RASIP1: variants seen among roughly 807,000 people sequenced by gnomAD.
The protein encoded by RASIP1 is Ras interacting protein 1.
Under a neutral mutation model 85.3 loss-of-function variants are expected in RASIP1, and 20 were observed. The ratio of observed to expected loss-of-function variants is 0.23; its 90% CI spans 0.17 to 0.34. The LOEUF is 0.34. RASIP1 is among the 10% of genes least tolerant of loss of function. RASIP1 has a pLI of 1.00. For synonymous variants in RASIP1, 617 were observed against 647.1 expected (o/e 0.95, Z 0.71); for missense variants, 1,170 against 1,390.9 (o/e 0.84, Z 2.53).
chr19:48,726,763 GAAGT>G lies in RASIP1; in HGVS notation c.2127+18_2127+21del. On this transcript the variant is annotated intron_variant, in intron 8 of 11. Transcript: ENST00000222145. ...CAGGAAGTGATGCTATGTCAAACAGGAAGTAAGAGGCAAGGGCCAACCTTGGTGA... is the reference window on the plus strand; with the variant it reads ...CAGGAAGTGATGCTATGTCAAACAGGAAGAGGCAAGGGCCAACCTTGGTGA... 1 of 1,545,786 alleles carries G rather than the reference GAAGT, an allele frequency of 6.5e-7. No homozygotes were observed. The highest frequency in any genetic ancestry group is 8.8e-7 in the Non-Finnish European group (1 of 1,133,208).
In RASIP1 at chr19:48,723,417, G is replaced by A. The variant is rs539956407; in HGVS notation, c.2544+920C>T. ...TCTACCAAAATTACAAAAATTAGCC[G>A]GGTGTGGTGGCGCGTGCCTGTTATC... On this transcript the variant is annotated intron_variant, in intron 10 of 11. Coordinates refer to ENST00000222145, the MANE Select transcript of RASIP1 (RefSeq NM_017805.3). Among the ~76,000 whole-genome samples the A allele has an allele frequency of 4.6e-5, 7 of 152,102 alleles. No homozygotes were observed. The South Asian group carries it at 1.2e-3, about 27-fold the overall frequency.
chr19:48,740,320 G>A lies in RASIP1; in HGVS notation c.-4-34C>T. 6.5e-7 allele frequency: 1 copy of A among 1,547,908 alleles called. No individual in the cohort carries two copies. Among genetic ancestry groups the A allele is most frequent in the Non-Finnish European group, 8.7e-7 (1 of 1,150,970 alleles). ...AGGCGGGTAAGGCCCCAACTCCTAA[G>A]GCATTCTTGTGGGGATGGGGTGGAG... On this transcript the variant is annotated intron_variant, in intron 1 of 11. Transcript: ENST00000222145. The surrounding 1 kb of genome is among the most constrained non-coding windows in gnomAD (Gnocchi z 5.5).
At chr19:48,734,250 G>A (rs1353517723) in intron 4 of RASIP1, among the ~76,000 whole-genome samples, 2 of 151,856 alleles carry the variant, frequency 1.3e-5, no homozygotes, top group Non-Finnish European at 1.5e-5. Flanking sequence ...AGCCGAGATC[G>A]CGCCACTGGA....
chr19:48,730,383 C>T (rs2033433498), intron 4 of RASIP1, among the ~76,000 whole-genome samples: 1 of 151,866 alleles, frequency 6.6e-6, no homozygotes, highest in Non-Finnish European at 1.5e-5. Flanking sequence ...AGGATGGTCT[C>T]GATCTCTTGA....
rs144331746 is a variant in RASIP1, at chr19:48,734,900, C to G, written c.1179+296G>C. ...AAAGTGCTGGGATTATGAGAGTCAGCCGCACGCCTGGCGGGGATCTTCTTT... is the reference window on the plus strand; with the variant it reads ...AAAGTGCTGGGATTATGAGAGTCAGGCGCACGCCTGGCGGGGATCTTCTTT... On this transcript the variant is annotated intron_variant, in intron 4 of 11. Coordinates refer to ENST00000222145, the MANE Select transcript of RASIP1 (RefSeq NM_017805.3). 8.2e-3 allele frequency among the ~76,000 whole-genome samples: 1,245 copies of G among 152,296 alleles called. 22 individuals are homozygous for G. The highest frequency in any genetic ancestry group is 0.028 in the African/African-American group (1,175 of 41,560).
intron 4 of RASIP1, 138 bp downstream of exon 4, chr19:48,735,058 G>T: frequency 2.7e-6 from 2 of 746,916 alleles, no homozygotes; most frequent in Non-Finnish European, 4.2e-6. Context: ...CTCTACTCTG[G>T]AACCTTGAGG....
In RASIP1 at chr19:48,740,583, T is replaced by A; in HGVS notation, c.-67A>T. 7 of 1,390,046 alleles carry A rather than the reference T, an allele frequency of 5.0e-6. No individual in the cohort carries two copies. Among genetic ancestry groups the A allele is most frequent in the Non-Finnish European group, 6.5e-6 (7 of 1,075,280 alleles). 86.1% of individuals were successfully genotyped at this position (1,390,046 alleles called of 1,614,324 possible). On this transcript the variant is annotated 5_prime_UTR_variant, in exon 1 of 12. Transcript: ENST00000222145. This position sits in a 1 kb window ranked among gnomAD's most constrained non-coding sequence, Gnocchi z 5.5. Reference sequence around the variant, plus strand: ...CACTGGCCTGGGTCAGTTCCACTGCTCTTGCCTCTGCCACGGCTCCCAGCA... The same window carrying A: ...CACTGGCCTGGGTCAGTTCCACTGCACTTGCCTCTGCCACGGCTCCCAGCA...
rs1375556533 is a variant in RASIP1 at position 48,739,460 on chromosome 19, C to A, written c.323G>T (p.Gly108Val). The change falls in exon 3 of 12, where the codon GGC becomes GTC. Residue 108 changes from glycine to valine, a missense_variant. Gly to Val is a moderately radical substitution (Grantham distance 109). Coordinates refer to ENST00000222145, the MANE Select transcript of RASIP1 (RefSeq NM_017805.3). This position sits in a 1 kb window ranked among gnomAD's most constrained non-coding sequence, Gnocchi z 9.2. ...CTGCGCGCCCCCCGGGGTCCCAGGG[C>A]CTCCTGCGCCGCTGGACCCCGTGGT... ...TGTTGSSGAG[G>V]PGTPGGAQRW... The A allele has an allele frequency of 6.8e-7, 1 of 1,469,854 alleles. No individual in the cohort carries two copies. Among genetic ancestry groups the A allele is most frequent in the South Asian group, 1.3e-5 (1 of 77,690 alleles). 91.1% of individuals were successfully genotyped at this position (1,469,854 alleles called of 1,614,324 possible). A position where few individuals can be genotyped will look rare whatever the true frequency, so the allele number is the denominator to read the frequency against.
intron 4 of RASIP1, among the ~76,000 whole-genome samples, chr19:48,734,061 C>T (rs968373851): frequency 9.2e-5 from 14 of 151,910 alleles, no homozygotes; most frequent in Non-Finnish European, 5.9e-5. Context: ...TTTGGGAGGC[C>T]GAGGCGGGCG....
Position 48,738,809 on chromosome 19 carries a change from A to C in RASIP1, c.823+151T>G. ...CCTGCTCTAGCTCTGCCTAGAGTCC[A>C]ACACGCACCGTCCAGTCCCCTCCCA... is the stretch of plus-strand genomic sequence containing the variant. On this transcript the variant is annotated intron_variant, in intron 3 of 11. Coordinates refer to ENST00000222145, the MANE Select transcript of RASIP1 (RefSeq NM_017805.3). The surrounding 1 kb of genome is among the most constrained non-coding windows in gnomAD (Gnocchi z 4.0). 1.0e-6 allele frequency: 1 copy of C among 999,354 alleles called. No individual in the cohort carries two copies. The highest frequency in any genetic ancestry group is 1.3e-6 in the Non-Finnish European group (1 of 792,106). 61.9% of individuals were successfully genotyped at this position (999,354 alleles called of 1,614,324 possible).
chr19:48,734,638 C>A (rs2033535389), intron 4 of RASIP1, among the ~76,000 whole-genome samples: 1 of 152,142 alleles, frequency 6.6e-6, no homozygotes, highest in Non-Finnish European at 1.5e-5. Context: ...CAGGCGTGCG[C>A]CACCACACCC....
At chr19:48,735,052 A>G (rs2033544258) in intron 4 of RASIP1, 144 bp downstream of exon 4, 7 of 702,456 alleles carry the variant, frequency 1.0e-5, no homozygotes, top group Non-Finnish European at 1.4e-5. Context: ...GTGAATCTCT[A>G]CTCTGGAACC....
rs557995225 is a variant in RASIP1 at position 48,729,521 on chromosome 19, C to G, written c.1249G>C (p.Gly417Arg). ...TCCACATAGGGAGCCGGGGACCCCC[C>G]GCGGCCAGACGAGTTCCCACCTCGC... Reference protein sequence around the residue: ...FGRGGNSSGRGGSPAPYVDTF... With the variant: ...FGRGGNSSGRRGSPAPYVDTF... The change falls in exon 5 of 12, where the codon GGG (glycine) becomes CGG (arginine). Residue 417 changes from glycine (G) to arginine (R), a missense_variant. Transcript: ENST00000222145. 1.9e-6 allele frequency: 3 copies of G among 1,598,844 alleles called. No individual in the cohort carries two copies. Among genetic ancestry groups the G allele is most frequent in the African/African-American group, 1.3e-5 (1 of 74,538 alleles).
chr19:48,729,886 T>C (rs2033421440), intron 4 of RASIP1, among the ~76,000 whole-genome samples: 1 of 151,888 alleles, frequency 6.6e-6, no homozygotes, highest in South Asian at 2.1e-4. Flanking sequence ...GGCTAATTTT[T>C]GTATTTTTAG....
chr19:48,725,134 G>GT, intron 8 of RASIP1, 174 bp from the exon 9 acceptor site: 1 of 693,576 alleles, frequency 1.4e-6, no homozygotes, highest in East Asian at 2.8e-5. Context: ...TGATAGAAGG[G>GT]TATACAAGTT....
At chr19:48,736,913 T>A (rs973400887) in intron 3 of RASIP1, among the ~76,000 whole-genome samples, 1 of 152,142 alleles carries the variant, frequency 6.6e-6, no homozygotes, top group African/African-American at 2.4e-5. Context: ...AGTGGGCACC[T>A]GTAATCCCAG....
chr19:48,740,093 ACAGAT>A lies in RASIP1; in HGVS notation c.137+48_137+52del. 1.3e-6 allele frequency: 2 copies of A among 1,517,584 alleles called. No individual in the cohort carries two copies. The highest frequency in any genetic ancestry group is 1.8e-6 in the Non-Finnish European group (2 of 1,137,628). The allele number at this position is 1,517,584 out of a possible 1,614,324, so 94.0% of individuals were successfully genotyped here. A position where few individuals can be genotyped will look rare whatever the true frequency, so the allele number is the denominator to read the frequency against. On this transcript the variant is annotated intron_variant, in intron 2 of 11. Coordinates refer to ENST00000222145, the MANE Select transcript of RASIP1 (RefSeq NM_017805.3). The surrounding 1 kb of genome is among the most constrained non-coding windows in gnomAD (Gnocchi z 5.5). ...TGCAGGGACTGGGCAGTGAACAGGGACAGATGGGAAGCAGGTGTGCAGGGGCAGGA... is the reference window on the plus strand; with the variant it reads ...TGCAGGGACTGGGCAGTGAACAGGGAGGGAAGCAGGTGTGCAGGGGCAGGA...
At chr19:48,726,921 C>G (rs1400567544) in intron 7 of RASIP1, 33 bp from the exon 8 acceptor site, 1 of 1,609,078 alleles carries the variant, frequency 6.2e-7, no homozygotes, top group Non-Finnish European at 8.5e-7. Context: ...GAGGGAGAAC[C>G]AGAAGTCGGC....
rs2033652190 is a variant in RASIP1 at position 48,740,384 on chromosome 19, G to A, written c.-4-98C>T. On this transcript the variant is annotated intron_variant, in intron 1 of 11. Coordinates refer to ENST00000222145, the MANE Select transcript of RASIP1 (RefSeq NM_017805.3). This position sits in a 1 kb window ranked among gnomAD's most constrained non-coding sequence, Gnocchi z 5.5. ...CGAGTCAGAGGGAGGAGGGGGCTGG[G>A]GCTCAGACTTGCGAGTCCAGGGGGA... is the stretch of plus-strand genomic sequence containing the variant. The A allele has an allele frequency of 8.2e-6, 12 of 1,466,092 alleles. No individual in the cohort carries two copies. The East Asian group carries it at 2.3e-4, about 28-fold the overall frequency. The allele number at this position is 1,466,092 out of a possible 1,614,324, so 90.8% of individuals were successfully genotyped here.
Sources: gnomAD v4.1 joint callset for allele counts (sites outside exome capture counted in the v4.1 genomes callset) on GRCh38, gnomAD v4.1.1 for gene constraint, Gnocchi (gnomAD v3.1) non-coding constraint, MANE v1.5 for transcripts, NCBI Gene and HGNC (gene_info 2026-07-23, HGNC 2026-07-21) for gene names.